EPB41L2: variants seen among roughly 807,000 people sequenced by gnomAD.
The protein encoded by EPB41L2 is erythrocyte membrane protein band 4.1 like 2.
In EPB41L2, 43 loss-of-function variants were observed where a neutral mutation model predicts 113.0. That is an observed-to-expected ratio of 0.38 (90% CI 0.30 to 0.49). EPB41L2 has a LOEUF of 0.49. Ranked by LOEUF, EPB41L2 falls within the 20% of genes least tolerant of loss-of-function variation. The probability of loss-of-function intolerance (pLI) is 0.95; values close to 1 mark genes in which losing one functional copy is unlikely to be tolerated. For missense variants in EPB41L2, 1,147 were observed against 1,223.4 expected, an observed-to-expected ratio of 0.94 and a Z score of 0.93; for synonymous variants, 442 against 436.7, an observed-to-expected ratio of 1.01 and a Z score of -0.15.
intron 1 of EPB41L2, among the ~76,000 whole-genome samples, chr6:131,035,407 T>C (rs1244220938): frequency 6.6e-6 from 1 of 152,194 alleles, no homozygotes; most frequent in Non-Finnish European, 1.5e-5. Context: ...ATCTAGAGCC[T>C]AAATGTAGTC....
Position 131,039,203 on chromosome 6 carries a change from T to C in EPB41L2, c.-15+23952A>G, listed in dbSNP as rs73623337. ...CAAGGTTGACCTTCTCTCAACAGAA[T>C]GTTTAGCTATGTTATGTTGGAATAA... is the stretch of plus-strand genomic sequence containing the variant. On this transcript the variant is annotated intron_variant, in intron 1 of 19. Transcript: ENST00000337057. Among the ~76,000 whole-genome samples the C allele has an allele frequency of 8.7e-3, 1,323 of 152,326 alleles. 25 individuals are homozygous for C. The highest frequency in any genetic ancestry group is 0.03 in the African/African-American group (1,244 of 41,572).
At chr6:130,992,647 T>C (rs1782156000) in intron 1 of EPB41L2, among the ~76,000 whole-genome samples, 1 of 152,008 alleles carries the variant, frequency 6.6e-6, no homozygotes, top group African/African-American at 2.4e-5. Context: ...TTTTTTTTTT[T>C]TTGAGACAGA....
rs80269150 is a variant in EPB41L2 at position 130,912,452 on chromosome 6, G to C, written c.811-3589C>G. ...CGGGTTTCACTACTGTTCATGGCCC[G>C]CACTCGGGGTAGCAAGGATCCAAGG... On this transcript the variant is annotated intron_variant, in intron 4 of 19. Transcript: ENST00000337057. Among the ~76,000 whole-genome samples, 1,473 of 152,202 alleles carry C rather than the reference G, an allele frequency of 9.7e-3. 71 individuals carry two copies. In the East Asian group the frequency reaches 0.15, roughly 15 times the overall value.
At chr6:130,863,239 T>C (rs1782703481) in intron 18 of EPB41L2, among the ~76,000 whole-genome samples, 1 of 152,216 alleles carries the variant, frequency 6.6e-6, no homozygotes, top group Non-Finnish European at 1.5e-5. Context: ...GCCATAAATA[T>C]ACTTGAAAAG....
At chr6:130,866,492 A>G (rs1268642049) in intron 16 of EPB41L2, among the ~76,000 whole-genome samples, 2 of 152,234 alleles carry the variant, frequency 1.3e-5, no homozygotes, top group South Asian at 2.1e-4. Context: ...CTGGCAACTT[A>G]TCACAGCACA....
chr6:130,992,162 T>C (rs1782028873), intron 1 of EPB41L2, among the ~76,000 whole-genome samples: 3 of 152,138 alleles, frequency 2.0e-5, no homozygotes, highest in African/African-American at 4.8e-5. Context: ...ATTAAGAGGG[T>C]GATTTGCGAA....
intron 14 of EPB41L2, among the ~76,000 whole-genome samples, chr6:130,871,044 T>C (rs955529880): frequency 2.0e-5 from 3 of 152,148 alleles, no homozygotes; most frequent in Non-Finnish European, 4.4e-5. Context: ...CTCAGTCAAG[T>C]TTATTATTTG....
At chr6:130,989,176 T>C (rs73623428) in intron 1 of EPB41L2, among the ~76,000 whole-genome samples, 8,452 of 152,222 alleles carry the variant, frequency 0.056, 367 homozygotes, top group East Asian at 0.12. Context: ...CAAATAACTA[T>C]TGATAGCCCA....
At chr6:131,003,994 T>A (rs1784915190) in intron 1 of EPB41L2, among the ~76,000 whole-genome samples, 1 of 151,568 alleles carries the variant, frequency 6.6e-6, no homozygotes, top group African/African-American at 2.4e-5. Flanking sequence ...ACTTACAACT[T>A]ATCAGCTTTA....
chr6:130,854,983 G>C (rs951032949), intron 19 of EPB41L2, among the ~76,000 whole-genome samples: 3 of 152,060 alleles, frequency 2.0e-5, no homozygotes, highest in Admixed American at 2.0e-4. Flanking sequence ...GGTTGCAGTG[G>C]GTTGAGATCA....
intron 1 of EPB41L2, chr6:131,014,126 G>A (rs1003706019): frequency 6.6e-6 from 1 of 151,292 alleles, no homozygotes; most frequent in Non-Finnish European, 1.5e-5. Flanking sequence ...TGAATCTGAG[G>A]TTTTTCTACA....
At chr6:130,941,539 G>A (rs188811852) in intron 3 of EPB41L2, among the ~76,000 whole-genome samples, 8 of 152,308 alleles carry the variant, frequency 5.3e-5, no homozygotes, top group African/African-American at 1.9e-4. Flanking sequence ...TGCCTAGAAT[G>A]AATTTTGACA....
At chr6:130,969,977 T>C (rs1251463840) in intron 1 of EPB41L2, among the ~76,000 whole-genome samples, 1 of 152,208 alleles carries the variant, frequency 6.6e-6, no homozygotes, top group African/African-American at 2.4e-5. Context: ...AAAGATAGCC[T>C]GACAAAAGTC....
At chr6:130,922,320 C>A (rs546710831) in intron 4 of EPB41L2, among the ~76,000 whole-genome samples, 80 of 152,312 alleles carry the variant, frequency 5.3e-4, no homozygotes, top group African/African-American at 1.9e-3. Context: ...CTTCAACACA[C>A]TATGTTTAAA....
chr6:130,870,231 A>G, intron 14 of EPB41L2, 105 bp from the exon 15 acceptor site: 1 of 1,526,844 alleles, frequency 6.5e-7, no homozygotes, highest in Non-Finnish European at 8.9e-7. Flanking sequence ...GAGAAAAACA[A>G]AGATGATTAT....
chr6:130,892,403 C>CTTGTTTTTTTTTTTTT (rs1793197600), intron 10 of EPB41L2, among the ~76,000 whole-genome samples: 1 of 92,640 alleles, frequency 1.1e-5, no homozygotes, highest in Admixed American at 1.2e-4. Flanking sequence ...CAGATTATTG[C>CTTGTTTTTTTTTTTTT]TTTTTTTTTT....
Position 130,955,182 on chromosome 6 carries a change from T to C in EPB41L2, c.628A>G (p.Lys210Glu), listed in dbSNP as rs1031898760. Residue 210 changes from lysine to glutamate, a missense_variant, in exon 3 of 20, where the codon AAA becomes GAA. By Grantham distance (56) the Lys-to-Glu change is moderately conservative. Coordinates refer to ENST00000337057, the MANE Select transcript of EPB41L2 (RefSeq NM_001431.4). ...ACAGTTTTGGTCTTCTTGGTGACTT[T>C]TTGAGATGCCTTCTCTGCTTTCAGC... Reference protein sequence around the residue: ...NELKAEKASQKVTKKTKTVQC... With the variant: ...NELKAEKASQEVTKKTKTVQC... The C allele has an allele frequency of 1.2e-6, 2 of 1,614,078 alleles. No homozygotes were observed. Among genetic ancestry groups the C allele is most frequent in the African/African-American group, 1.3e-5 (1 of 74,930 alleles).
At chr6:130,890,987 T>G (rs1417975793) in intron 10 of EPB41L2, among the ~76,000 whole-genome samples, 1 of 152,238 alleles carries the variant, frequency 6.6e-6, no homozygotes, top group African/African-American at 2.4e-5. Flanking sequence ...TTCTACTGCT[T>G]AATCCCTGGG....
intron 1 of EPB41L2, among the ~76,000 whole-genome samples, chr6:130,996,789 G>A (rs566500369): frequency 1.7e-4 from 26 of 152,294 alleles, no homozygotes; most frequent in African/African-American, 5.3e-4. Context: ...AATGGTAACG[G>A]TAATTATTCC....
Sources: allele counts gnomAD v4.1 joint callset (sites outside exome capture counted in the v4.1 genomes callset), GRCh38; gene constraint gnomAD v4.1.1; transcripts MANE v1.5; gene names NCBI Gene and HGNC (gene_info 2026-07-23, HGNC 2026-07-21).